Variants in LHB observed in about 807,000 individuals in gnomAD.
LHB encodes lutropin subunit beta.
Under a neutral mutation model 10.6 loss-of-function variants are expected in LHB, and 11 were observed. That is an observed-to-expected ratio of 1.04 (90% CI 0.66 to 1.72). The LOEUF (loss-of-function observed/expected upper bound fraction) is 1.72, where lower values mean the gene tolerates loss of function less well. LHB is among the 40% of genes most tolerant of loss of function. The probability of loss-of-function intolerance (pLI) is 0.00; values close to 1 mark genes in which losing one functional copy is unlikely to be tolerated. For missense variants in LHB, 184 were observed against 197.3 expected, an observed-to-expected ratio of 0.93 and a Z score of 0.41; for synonymous variants, 86 against 83.1, an observed-to-expected ratio of 1.03 and a Z score of -0.19.
chr19:49,018,261 C>T, upstream of LHB: 1 of 989,662 alleles, frequency 1.0e-6, no homozygotes, highest in African/African-American at 1.7e-5. Context: ...CGCTGCGGGC[C>T]GTGGCTCCAG....
rs377173816 is a variant in LHB at position 49,016,331 on chromosome 19, G to A, written c.184-21C>T. ...CGCATCTGGAGGCCGTGTGAGTGGG[G>A]GAATGAGCATGTGCCTGAGGCCAGC... On this transcript the variant is annotated intron_variant, in intron 2 of 2. Transcript: ENST00000649238. 3.6e-5 allele frequency: 58 copies of A among 1,608,920 alleles called. No individual in the cohort carries two copies. In the Middle Eastern group the frequency reaches 6.6e-4, roughly 18 times the overall value.
chr19:49,017,524 G>C, upstream of LHB: 2 of 1,119,884 alleles, frequency 1.8e-6, no homozygotes, highest in Non-Finnish European at 2.2e-6. Flanking sequence ...TTCGGACTTA[G>C]CTTCTGCCCA....
chr19:49,016,561 A>G lies in LHB; in HGVS notation c.169T>C (p.Tyr57His), dbSNP rs371722800. 1.2e-4 allele frequency: 190 copies of G among 1,608,914 alleles called. No homozygotes were observed. In the East Asian group the frequency reaches 2.0e-3, roughly 17 times the overall value. ...AGGCAGCTCACCATGGTGGGGCAGTAGCCGGCACAGATGGTGGTGTTGACG... is the reference window on the plus strand; with the variant it reads ...AGGCAGCTCACCATGGTGGGGCAGTGGCCGGCACAGATGGTGGTGTTGACG... Reference protein sequence around the residue: ...ITVNTTICAGYCPTMMRVLQA... With the variant: ...ITVNTTICAGHCPTMMRVLQA... The change falls in exon 2 of 3, where the codon TAC becomes CAC. Residue 57 changes from tyrosine (Y) to histidine (H), a missense_variant. Coordinates refer to ENST00000649238, the MANE Select transcript of LHB (RefSeq NM_000894.3).
At chr19:49,018,250 C>T, upstream of LHB, 2 of 904,402 alleles carry the variant, frequency 2.2e-6, no homozygotes, top group Non-Finnish European at 2.9e-6. Flanking sequence ...GACAGGGCGG[C>T]CGCTGCGGGC....
In LHB at chr19:49,016,639, G is replaced by A; in HGVS notation, c.91C>T (p.Pro31Ser). 6.2e-7 allele frequency: 1 copy of A among 1,612,240 alleles called. No homozygotes were observed. The highest frequency in any genetic ancestry group is 8.5e-7 in the Non-Finnish European group (1 of 1,179,794). The change falls in exon 2 of 3, where the codon CCC becomes TCC. Residue 31 changes from proline (P) to serine (S), a missense_variant. Transcript: ENST00000649238. ...TCGACAGCCAGGATGGCATTGATGGGGTGGCACCATGGCCGAAGCGGCTCC... is the reference window on the plus strand; with the variant it reads ...TCGACAGCCAGGATGGCATTGATGGAGTGGCACCATGGCCGAAGCGGCTCC... ...SREPLRPWCH[P>S]INAILAVEKE...
rs374110086 is a variant in LHB, at chr19:49,016,328, G to T, written c.184-18C>A. 3 of 1,609,132 alleles carry T rather than the reference G, an allele frequency of 1.9e-6. No homozygotes were observed. Among genetic ancestry groups the T allele is most frequent in the East Asian group, 2.2e-5 (1 of 44,880 alleles). On this transcript the variant is annotated intron_variant, in intron 2 of 2. Transcript: ENST00000649238. ...ACGCGCATCTGGAGGCCGTGTGAGTGGGGGAATGAGCATGTGCCTGAGGCC... is the reference window on the plus strand; with the variant it reads ...ACGCGCATCTGGAGGCCGTGTGAGTTGGGGAATGAGCATGTGCCTGAGGCC...
chr19:49,019,480 G>A, upstream of LHB: 3 of 1,226,814 alleles, frequency 2.4e-6, no homozygotes, highest in Non-Finnish European at 3.1e-6. Context: ...TGTAGTCCCT[G>A]GTCCTTCTGG....
chr19:49,017,714 A>C, upstream of LHB: 1 of 484,462 alleles, frequency 2.1e-6, no homozygotes, highest in East Asian at 3.7e-5. Flanking sequence ...TTAACTCATT[A>C]TTTAATACGC....
At position 49,016,255 on chromosome 19, in the gene LHB, C is replaced by A; in HGVS notation, c.239G>T (p.Arg80Leu). The change falls in exon 3 of 3, where the codon CGT (arginine) becomes CTT (leucine). Residue 80 changes from arginine to leucine, a missense_variant. Physicochemically the swap from Arg to Leu is moderately radical, Grantham distance 102 (BLOSUM62 -2). Transcript: ENST00000649238. ...PPLPQVVCTY[R>L]DVRFESIRLP... ...CCGGATGGACTCGAAGCGCACATCA[C>A]GGTAGGTGCACACCACCTGAGGCAG... is the stretch of plus-strand genomic sequence containing the variant. 2 of 1,612,358 alleles carry A rather than the reference C, an allele frequency of 1.2e-6. No individual in the cohort carries two copies. Among genetic ancestry groups the A allele is most frequent in the Non-Finnish European group, 1.7e-6 (2 of 1,179,876 alleles).
upstream of LHB, chr19:49,017,668 C>A: frequency 5.4e-6 from 4 of 747,204 alleles, no homozygotes; most frequent in Non-Finnish European, 7.1e-6. Flanking sequence ...CCAGGATGCC[C>A]GGAGCGTCCC....
chr19:49,016,955 C>T (rs2039566112), intron 1 of LHB, 112 bp downstream of exon 1: 1 of 1,609,668 alleles, frequency 6.2e-7, no homozygotes, highest in Non-Finnish European at 8.5e-7. Flanking sequence ...TACTGGGGGT[C>T]ATGCCCCTCC....
intron 1 of LHB, 111 bp downstream of exon 1, chr19:49,016,956 A>G (rs2039566145): frequency 6.2e-7 from 1 of 1,609,774 alleles, no homozygotes; most frequent in Admixed American, 1.7e-5. Context: ...ACTGGGGGTC[A>G]TGCCCCTCCA....
upstream of LHB, among the ~76,000 whole-genome samples, chr19:49,018,555 A>G (rs921897469): frequency 3.3e-5 from 5 of 152,046 alleles, no homozygotes; most frequent in African/African-American, 7.2e-5. Flanking sequence ...GGGAAGTAAA[A>G]GGGGACTTTC....
chr19:49,019,367 C>CT, upstream of LHB: 1 of 1,238,334 alleles, frequency 8.1e-7, no homozygotes, highest in Non-Finnish European at 1.0e-6. Context: ...CAAGTTACCT[C>CT]TCCCAACTCC....
At chr19:49,016,434 A>C (rs1007463920) in intron 2 of LHB, 113 bp downstream of exon 2, 10 of 1,600,542 alleles carry the variant, frequency 6.2e-6, no homozygotes, top group African/African-American at 1.3e-5. Flanking sequence ...CTGCCTTCCC[A>C]CACCCCATTC....
chr19:49,016,283 G>C lies in LHB; in HGVS notation c.211C>G (p.Pro71Ala), dbSNP rs552986333. The C allele has an allele frequency of 4.5e-5, 72 of 1,611,842 alleles. No homozygotes were observed. The highest frequency in any genetic ancestry group is 1.5e-4 in the African/African-American group (11 of 74,996). The change falls in exon 3 of 3, where the codon CCC (proline) becomes GCC (alanine). Residue 71 changes from proline (P) to alanine (A), a missense_variant. Pro to Ala is a conservative substitution (Grantham distance 27). Transcript: ENST00000649238. Reference sequence around the variant, plus strand: ...TAGGTGCACACCACCTGAGGCAGGGGCGGCAGGACCGCCTGCAGCACGCGC... The same window carrying C: ...TAGGTGCACACCACCTGAGGCAGGGCCGGCAGGACCGCCTGCAGCACGCGC... Reference protein sequence around the residue: ...MMRVLQAVLPPLPQVVCTYRD... With the variant: ...MMRVLQAVLPALPQVVCTYRD...
upstream of LHB, chr19:49,018,268 C>G (rs1472505447): frequency 1.9e-6 from 2 of 1,048,338 alleles, no homozygotes; most frequent in East Asian, 6.5e-5. Flanking sequence ...GGCCGTGGCT[C>G]CAGACCTGGG....
chr19:49,019,434 A>T, upstream of LHB: 1 of 1,257,922 alleles, frequency 7.9e-7, no homozygotes, highest in African/African-American at 1.5e-5. Flanking sequence ...CCCGCCGTCT[A>T]GCTCCGCAGC....
chr19:49,018,977 G>T, upstream of LHB: 1 of 1,533,618 alleles, frequency 6.5e-7, no homozygotes, highest in Admixed American at 2.0e-5. Flanking sequence ...ACAGCTCGGG[G>T]TTCTTCGTCC....
Sources: gnomAD v4.1 joint callset for allele counts (sites outside exome capture counted in the v4.1 genomes callset) on GRCh38, gnomAD v4.1.1 for gene constraint, MANE v1.5 for transcripts, NCBI Gene and HGNC (gene_info 2026-07-23, HGNC 2026-07-21) for gene names.